The following DHCR7 variants were observed in gnomAD, a reference collection of about 807,000 sequenced individuals.
The protein encoded by DHCR7 is 7-dehydrocholesterol reductase.
A neutral mutation model predicts 43.3 loss-of-function variants in DHCR7; 40 were observed. That is an observed-to-expected ratio of 0.92 (90% CI 0.72 to 1.20). The LOEUF (loss-of-function observed/expected upper bound fraction) is 1.20, where lower values mean the gene tolerates loss of function less well. Ranked by LOEUF, DHCR7 falls within the 50% of genes most tolerant of loss-of-function variation. The pLI is 0.00. For synonymous variants in DHCR7, 298 were observed against 271.4 expected, an observed-to-expected ratio of 1.10 and a Z score of -0.96; for missense variants, 608 against 644.6, an observed-to-expected ratio of 0.94 and a Z score of 0.62.
At chr11:71,444,819 T>C in intron 3 of DHCR7, 36 bp downstream of exon 3, 2 of 1,581,898 alleles carry the variant, frequency 1.3e-6, no homozygotes, top group Non-Finnish European at 1.7e-6. Context: ...AGACCACACT[T>C]TACTTTCTAG....
In DHCR7 at chr11:71,442,268, G is replaced by C; in HGVS notation, c.407C>G (p.Pro136Arg). The C allele has an allele frequency of 6.2e-7, 1 of 1,612,658 alleles. No homozygotes were observed. The highest frequency in any genetic ancestry group is 8.5e-7 in the Non-Finnish European group (1 of 1,179,166). ...VGGIQEGAVT[P>R]AGVVNKYQIN... ...GGTGGAAGGGAGGAGGCTACCTGCA[G>C]GAGTCACGGCCCCCTCCTGGATGCC... The change falls in exon 5 of 9, where the codon CCT becomes CGT. Residue 136 changes from proline to arginine, a missense_variant. Coordinates refer to ENST00000355527, the MANE Select transcript of DHCR7 (RefSeq NM_001360.3).
Position 71,444,958 on chromosome 11 carries a change from C to A in DHCR7, c.-6G>T. 1 of 1,613,730 alleles carries A rather than the reference C, an allele frequency of 6.2e-7. No homozygotes were observed. The highest frequency in any genetic ancestry group is 8.5e-7 in the Non-Finnish European group (1 of 1,179,612). On this transcript the variant is annotated splice_region_variant and 5_prime_UTR_variant, in exon 3 of 9. Transcript: ENST00000355527. ...GGTTGCGATTTTGCAGCCATTGGGC[C>A]CTGCAAGAAAGAGAACCTTGCTTAC...
chr11:71,447,034 C>G (rs1949412201), intron 2 of DHCR7, among the ~76,000 whole-genome samples: 1 of 152,218 alleles, frequency 6.6e-6, no homozygotes. Context: ...TAGTTTCTTC[C>G]CAGCCAAAAC....
At position 71,441,210 on chromosome 11, in the gene DHCR7, C is replaced by T. The variant is rs755544646; in HGVS notation, c.626+17G>A. 1.5e-5 allele frequency: 25 copies of T among 1,613,274 alleles called. No individual in the cohort carries two copies. The highest frequency in any genetic ancestry group is 1.5e-4 in the South Asian group (14 of 91,040). On this transcript the variant is annotated intron_variant, in intron 6 of 8. Transcript: ENST00000355527. ...TGCACTTTCTACATCAGGCTGGACC[C>T]GCTGCTAAGAACATACCAGTCTCTG... is the stretch of plus-strand genomic sequence containing the variant.
At chr11:71,434,099 G>A (rs901740587), downstream of DHCR7, among the ~76,000 whole-genome samples, 6 of 152,214 alleles carry the variant, frequency 3.9e-5, no homozygotes, top group Non-Finnish European at 5.9e-5. Flanking sequence ...GACAAACCTG[G>A]CACTCTTTCT....
intron 2 of DHCR7, among the ~76,000 whole-genome samples, chr11:71,445,229 C>A (rs117333869): frequency 0.014 from 2,078 of 152,344 alleles, 16 homozygotes; most frequent in Non-Finnish European, 0.022. Flanking sequence ...GAATGCCCCC[C>A]CTCTTACAGC....
At chr11:71,441,572 C>A in intron 5 of DHCR7, 132 bp from the exon 6 acceptor site, 1 of 768,984 alleles carries the variant, frequency 1.3e-6, no homozygotes, top group Non-Finnish European at 2.2e-6. Flanking sequence ...TCATCTGGGG[C>A]CCCAGGAACC....
chr11:71,444,235 C>G lies in DHCR7; in HGVS notation c.99-20G>C. The G allele has an allele frequency of 6.4e-7, 1 of 1,555,502 alleles. No homozygotes were observed. Among genetic ancestry groups the G allele is most frequent in the Admixed American group, 1.9e-5 (1 of 52,226 alleles). ...ACCTCCCTGCGAGGACGGATGCAGGCAGTCACACTGGGGCCCATCTGCCCT... is the reference window on the plus strand; with the variant it reads ...ACCTCCCTGCGAGGACGGATGCAGGGAGTCACACTGGGGCCCATCTGCCCT... On this transcript the variant is annotated intron_variant, in intron 3 of 8. Coordinates refer to ENST00000355527, the MANE Select transcript of DHCR7 (RefSeq NM_001360.3).
chr11:71,443,469 CA>C (rs1232503051), intron 4 of DHCR7, among the ~76,000 whole-genome samples: 2 of 152,234 alleles, frequency 1.3e-5, no homozygotes, highest in East Asian at 3.8e-4. Context: ...AGGTTTACAA[CA>C]ACCCCTTCCT....
At chr11:71,433,346 T>C (rs1949240249), downstream of DHCR7, among the ~76,000 whole-genome samples, 1 of 152,228 alleles carries the variant, frequency 6.6e-6, no homozygotes, top group African/African-American at 2.4e-5. Flanking sequence ...AGGGCAGACG[T>C]GTCTGGTGGG....
At position 71,444,141 on chromosome 11, in the gene DHCR7, A is replaced by T. The variant is rs910542345; in HGVS notation, c.173T>A (p.Ile58Asn). ...GCAGCTGTACTGGTCACAAGCCATG[A>T]TGAAGTAGTAGACGATGAAGGGGGC... ...LFAPFIVYYF[I>N]MACDQYSCAL... is the part of the protein sequence containing the mutation. Residue 58 changes from isoleucine (I) to asparagine (N), a missense_variant, in exon 4 of 9, where the codon ATC becomes AAC. Coordinates refer to ENST00000355527, the MANE Select transcript of DHCR7 (RefSeq NM_001360.3). 1 of 1,611,816 alleles carries T rather than the reference A, an allele frequency of 6.2e-7. No homozygotes were observed. Among genetic ancestry groups the T allele is most frequent in the Non-Finnish European group, 8.5e-7 (1 of 1,178,912 alleles).
intron 6 of DHCR7, among the ~76,000 whole-genome samples, 166 bp from the exon 7 acceptor site, chr11:71,439,249 G>A (rs955666825): frequency 6.6e-5 from 10 of 152,214 alleles, no homozygotes; most frequent in African/African-American, 2.4e-4. Flanking sequence ...CGGCTGGAAT[G>A]CTTGTCGGCT....
At chr11:71,429,227 C>G (rs1263673863) in intron 2 of DHCR7, among the ~76,000 whole-genome samples, 2 of 152,124 alleles carry the variant, frequency 1.3e-5, no homozygotes, top group Non-Finnish European at 2.9e-5. Flanking sequence ...ATTGCTGTGT[C>G]AATATGGGAG....
At chr11:71,439,177 G>T in intron 6 of DHCR7, 94 bp from the exon 7 acceptor site, 1 of 1,198,166 alleles carries the variant, frequency 8.3e-7, no homozygotes, top group Middle Eastern at 2.1e-4. Context: ...CTGGCCCAGG[G>T]TCCTAAAGGG....
intron 7 of DHCR7, 41 bp downstream of exon 7, chr11:71,438,838 G>A (rs757676973): frequency 1.2e-6 from 2 of 1,602,300 alleles, no homozygotes; most frequent in South Asian, 2.2e-5. Context: ...CCCAGAGCCT[G>A]CCGGCATCGG....
Position 71,435,073 on chromosome 11 carries a change from G to A in DHCR7, c.*302C>T. 1 of 597,176 alleles carries A rather than the reference G, an allele frequency of 1.7e-6. No individual in the cohort carries two copies. The highest frequency in any genetic ancestry group is 3.2e-6 in the Non-Finnish European group (1 of 316,966). The allele number at this position is 597,176 out of a possible 1,614,324, so 37.0% of individuals were successfully genotyped here. A position where few individuals can be genotyped will look rare whatever the true frequency, so the allele number is the denominator to read the frequency against. ...AGCGTGGCCTGGGCTCCTAATACAG[G>A]TAAATTGTCTCCAAAGGACTAGTAA... On this transcript the variant is annotated 3_prime_UTR_variant, in exon 9 of 9. Transcript: ENST00000355527.
At chr11:71,427,427 T>C (rs2135935972), downstream of DHCR7, among the ~76,000 whole-genome samples, 1 of 152,352 alleles carries the variant, frequency 6.6e-6, no homozygotes, top group East Asian at 1.9e-4. Context: ...ACACAGTAAA[T>C]GTTATTGAAA....
chr11:71,434,261 G>A (rs116125233), downstream of DHCR7, among the ~76,000 whole-genome samples: 527 of 152,172 alleles, frequency 3.5e-3, 4 homozygotes, highest in African/African-American at 0.012. Context: ...ACGCACCCAC[G>A]GGCACCCAAT....
chr11:71,437,002 T>C (rs1477443717), intron 8 of DHCR7, among the ~76,000 whole-genome samples: 1 of 152,074 alleles, frequency 6.6e-6, no homozygotes, highest in Non-Finnish European at 1.5e-5. Flanking sequence ...GGTGGAGAAA[T>C]GGGGCCGGGT....
Sources: allele counts gnomAD v4.1 joint callset (sites outside exome capture counted in the v4.1 genomes callset), GRCh38; gene constraint gnomAD v4.1.1; transcripts MANE v1.5; gene names NCBI Gene and HGNC (gene_info 2026-07-23, HGNC 2026-07-21).